Variants in DCC observed in about 807,000 individuals in gnomAD.
DCC encodes DCC netrin 1 receptor.
DCC carries 58 observed loss-of-function variants against 172.5 expected under a neutral mutation model. The observed-to-expected ratio is 0.34, with a 90% CI of 0.27 to 0.42. The LOEUF is 0.42. DCC is among the 10% of genes least tolerant of loss of function. The probability of loss-of-function intolerance (pLI) is 1.00; values close to 1 mark genes in which losing one functional copy is unlikely to be tolerated. For missense variants in DCC, 1,740 were observed against 1,791.0 expected, an observed-to-expected ratio of 0.97 and a Z score of 0.51; for synonymous variants, 709 against 644.5, an observed-to-expected ratio of 1.10 and a Z score of -1.52.
At chr18:52,975,531 G>A (rs182452223) in intron 5 of DCC, among the ~76,000 whole-genome samples, 6 of 152,050 alleles carry the variant, frequency 3.9e-5, no homozygotes, top group South Asian at 2.1e-4. Flanking sequence ...CCTCTGATAG[G>A]CCCCAGTGTG....
intron 1 of DCC, among the ~76,000 whole-genome samples, chr18:52,671,005 G>T (rs1599005695): frequency 6.6e-6 from 1 of 152,186 alleles, no homozygotes; most frequent in East Asian, 1.9e-4. Flanking sequence ...CCCCAGCAGG[G>T]TCTTTGACAT....
chr18:53,459,603 TTTGG>T, intron 24 of DCC, 145 bp downstream of exon 24: 1 of 684,246 alleles, frequency 1.5e-6, no homozygotes, highest in Middle Eastern at 2.4e-4. Context: ...CTAATATAAA[TTTGG>T]TTGATTAACC....
At chr18:52,513,479 A>T (rs2031515460) in intron 1 of DCC, among the ~76,000 whole-genome samples, 1 of 152,204 alleles carries the variant, frequency 6.6e-6, no homozygotes, top group South Asian at 2.1e-4. Flanking sequence ...TATGTTAAGC[A>T]TTATGGTTTT....
intron 12 of DCC, among the ~76,000 whole-genome samples, chr18:53,228,029 A>T (rs1322739509): frequency 6.6e-6 from 1 of 152,192 alleles, no homozygotes; most frequent in Non-Finnish European, 1.5e-5. Context: ...TCTTTTATGC[A>T]TAGATAAGTC....
rs535668377 is a variant in DCC, at chr18:52,488,157, G to A, written c.91+147279G>A. On this transcript the variant is annotated intron_variant, in intron 1 of 28. Transcript: ENST00000442544. Reference sequence around the variant, plus strand: ...TTTTGTGTTTATTCTTGGTTGGTTCGTTCCACCACTGTTTTGTTTTCCCAG... The same window carrying A: ...TTTTGTGTTTATTCTTGGTTGGTTCATTCCACCACTGTTTTGTTTTCCCAG... 2.0e-5 allele frequency among the ~76,000 whole-genome samples: 3 copies of A among 152,180 alleles called. No homozygotes were observed. The East Asian group carries it at 5.8e-4, about 29-fold the overall frequency.
intron 1 of DCC, among the ~76,000 whole-genome samples, chr18:52,707,813 C>T (rs143110691): frequency 8.4e-4 from 128 of 152,264 alleles, no homozygotes; most frequent in African/African-American, 2.9e-3. Context: ...AAAAGACAAA[C>T]TCATAGAACC....
intron 1 of DCC, among the ~76,000 whole-genome samples, chr18:52,467,707 C>G (rs753788764): frequency 6.6e-6 from 1 of 152,182 alleles, no homozygotes; most frequent in Non-Finnish European, 1.5e-5. Flanking sequence ...TCTCCAGCAT[C>G]TGTTGTTTAC....
intron 2 of DCC, among the ~76,000 whole-genome samples, chr18:52,860,534 C>T (rs772015481): frequency 5.3e-5 from 8 of 152,220 alleles, no homozygotes; most frequent in Non-Finnish European, 8.8e-5. Flanking sequence ...ATATGTACTA[C>T]AGTTTTCTTT....
At chr18:53,108,006 A>C (rs1282922069) in intron 7 of DCC, among the ~76,000 whole-genome samples, 2 of 151,742 alleles carry the variant, frequency 1.3e-5, no homozygotes, top group Non-Finnish European at 2.9e-5. Context: ...AGAGCAATGC[A>C]TCCGAGAAAA....
intron 1 of DCC, among the ~76,000 whole-genome samples, chr18:52,584,905 G>A (rs2033637296): frequency 6.6e-6 from 1 of 152,012 alleles, no homozygotes; most frequent in Non-Finnish European, 1.5e-5. Flanking sequence ...TAAACCTTGG[G>A]CATATGGCTC....
intron 1 of DCC, among the ~76,000 whole-genome samples, chr18:52,359,351 C>T (rs979822974): frequency 2.6e-5 from 4 of 152,054 alleles, no homozygotes; most frequent in Non-Finnish European, 1.5e-5. Flanking sequence ...ACTTATTGCC[C>T]ACCCATTTTT....
chr18:53,390,290 G>A (rs1393484207), intron 16 of DCC, among the ~76,000 whole-genome samples: 1 of 145,144 alleles, frequency 6.9e-6, no homozygotes, highest in Non-Finnish European at 1.5e-5. Context: ...TTTGTTTTCA[G>A]TTTTATATTT....
At chr18:53,264,842 A>G (rs2056653755) in intron 12 of DCC, among the ~76,000 whole-genome samples, 1 of 152,202 alleles carries the variant, frequency 6.6e-6, no homozygotes. Context: ...CGGTAGAAGC[A>G]TCTTCACATC....
intron 2 of DCC, among the ~76,000 whole-genome samples, chr18:52,807,713 CAGA>C (rs2038114863): frequency 6.6e-6 from 1 of 152,108 alleles, no homozygotes; most frequent in Admixed American, 6.5e-5. Context: ...AGGTTTTTAC[CAGA>C]TCCGTATATA....
chr18:52,827,595 T>C (rs1391922441), intron 2 of DCC, among the ~76,000 whole-genome samples: 1 of 152,234 alleles, frequency 6.6e-6, no homozygotes, highest in African/African-American at 2.4e-5. Context: ...AAAATGCACC[T>C]GCATAAATTC....
chr18:52,919,086 G>C (rs1030337313), intron 3 of DCC, among the ~76,000 whole-genome samples: 1 of 152,156 alleles, frequency 6.6e-6, no homozygotes, highest in Non-Finnish European at 1.5e-5. Context: ...AGTGCTGGCT[G>C]TTGACTGAGT....
intron 16 of DCC, among the ~76,000 whole-genome samples, chr18:53,391,126 C>A (rs66920460): frequency 0.24 from 36,616 of 151,808 alleles, 4,859 homozygotes; most frequent in East Asian, 0.41. Flanking sequence ...TTGTTTCTTG[C>A]CCAGGAAATG....
intron 2 of DCC, among the ~76,000 whole-genome samples, chr18:52,796,045 TCTATAGGTACAG>T (rs1398367928): frequency 7.1e-6 from 1 of 140,440 alleles, no homozygotes; most frequent in African/African-American, 2.5e-5. Context: ...TAAATTGTTT[TCTATAGGTACAG>T]TTACTTTTTT....
At chr18:52,780,010 C>T (rs1304758707) in intron 2 of DCC, among the ~76,000 whole-genome samples, 1 of 152,130 alleles carries the variant, frequency 6.6e-6, no homozygotes, top group Non-Finnish European at 1.5e-5. Flanking sequence ...GACATCTTTA[C>T]AGTTTTGGGA....
Sources: allele counts gnomAD v4.1 joint callset (sites outside exome capture counted in the v4.1 genomes callset), GRCh38; gene constraint gnomAD v4.1.1; transcripts MANE v1.5; gene names NCBI Gene and HGNC (gene_info 2026-07-23, HGNC 2026-07-21).